CCDC148: variants seen among roughly 807,000 people sequenced by gnomAD.
CCDC148 encodes the protein coiled-coil domain-containing protein 148.
CCDC148 carries 89 observed loss-of-function variants against 85.7 expected under a neutral mutation model. That is an observed-to-expected ratio of 1.04 (90% CI 0.87 to 1.24). The LOEUF is 1.24. Ranked by LOEUF, CCDC148 falls within the 50% of genes most tolerant of loss-of-function variation. CCDC148 has a pLI of 0.00. For synonymous variants in CCDC148, 230 were observed against 213.9 expected, an observed-to-expected ratio of 1.08 and a Z score of -0.66; for missense variants, 692 against 671.7, an observed-to-expected ratio of 1.03 and a Z score of -0.33.
chr2:158,303,922 T>C (rs1403013996), intron 9 of CCDC148, among the ~76,000 whole-genome samples: 2 of 152,204 alleles, frequency 1.3e-5, no homozygotes, highest in Non-Finnish European at 1.5e-5. Flanking sequence ...TCTATTAGGA[T>C]GCCTGGTGGA....
chr2:158,332,995 T>A (rs375703322), intron 7 of CCDC148, among the ~76,000 whole-genome samples: 5 of 152,156 alleles, frequency 3.3e-5, no homozygotes, highest in Admixed American at 3.3e-4. Context: ...CCTGGATTCA[T>A]TGATTTTTTT....
chr2:158,456,520 A>G lies in CCDC148; in HGVS notation c.-81T>C. The G allele has an allele frequency of 6.5e-7, 1 of 1,543,068 alleles. No individual in the cohort carries two copies. The highest frequency in any genetic ancestry group is 8.8e-7 in the Non-Finnish European group (1 of 1,139,364). On this transcript the variant is annotated 5_prime_UTR_variant, in exon 1 of 14. An upstream open reading frame in the 5' UTR loses its in-frame stop. Coordinates refer to ENST00000283233, the MANE Select transcript of CCDC148 (RefSeq NM_138803.4). Reference sequence around the variant, plus strand: ...CGCCCACTCCTGGGCTCTCGCCGTCAGGGGTACATCTAAGGGCTCAGCTGT... The same window carrying G: ...CGCCCACTCCTGGGCTCTCGCCGTCGGGGGTACATCTAAGGGCTCAGCTGT...
At chr2:158,331,331 T>G (rs1693104057) in intron 7 of CCDC148, among the ~76,000 whole-genome samples, 1 of 152,218 alleles carries the variant, frequency 6.6e-6, no homozygotes, top group Non-Finnish European at 1.5e-5. Flanking sequence ...GTGAGTTTCT[T>G]AATCCTGAGT....
intron 9 of CCDC148, among the ~76,000 whole-genome samples, chr2:158,255,041 C>T (rs1400390827): frequency 6.8e-6 from 1 of 147,416 alleles, no homozygotes; most frequent in Non-Finnish European, 1.5e-5. Context: ...ATGTACACAC[C>T]AGAAAATCCT....
intron 1 of CCDC148, among the ~76,000 whole-genome samples, chr2:158,379,512 T>C (rs952549646): frequency 1.3e-5 from 2 of 152,308 alleles, no homozygotes; most frequent in Non-Finnish European, 2.9e-5. Context: ...AGAAGTTCTA[T>C]GGTGCGTAAA....
rs1195166012 is a variant in CCDC148, at chr2:158,338,957, A to G, written c.582+33T>C. The G allele has an allele frequency of 2.5e-6, 4 of 1,598,838 alleles. No homozygotes were observed. The African/African-American group carries it at 4.0e-5, about 16-fold the overall frequency. On this transcript the variant is annotated intron_variant, in intron 6 of 13. Coordinates refer to ENST00000283233, the MANE Select transcript of CCDC148 (RefSeq NM_138803.4). Reference sequence around the variant, plus strand: ...TATTTAACATAAACGACAAATTGATAAACACATAAATTATTAGCCACATCA... The same window carrying G: ...TATTTAACATAAACGACAAATTGATGAACACATAAATTATTAGCCACATCA...
At chr2:158,294,548 A>T (rs1438182794) in intron 9 of CCDC148, among the ~76,000 whole-genome samples, 1 of 152,074 alleles carries the variant, frequency 6.6e-6, no homozygotes, top group East Asian at 1.9e-4. Flanking sequence ...CGTATAAAGA[A>T]CTGCCAAGAT....
At chr2:158,415,024 T>C (rs72944414) in intron 1 of CCDC148, among the ~76,000 whole-genome samples, 6,139 of 152,198 alleles carry the variant, frequency 0.04, 202 homozygotes, top group Non-Finnish European at 0.055. Flanking sequence ...TATGTATTAC[T>C]TACCAAACTC....
intron 11 of CCDC148, among the ~76,000 whole-genome samples, chr2:158,203,698 A>T (rs1032853726): frequency 6.6e-6 from 1 of 152,174 alleles, no homozygotes; most frequent in African/African-American, 2.4e-5. Context: ...TAAAGGAATT[A>T]AAAAAAGGAA....
At chr2:158,431,451 C>T (rs753777187) in intron 1 of CCDC148, among the ~76,000 whole-genome samples, 1 of 147,994 alleles carries the variant, frequency 6.8e-6, no homozygotes, top group Non-Finnish European at 1.5e-5. Context: ...AAAAAAATGA[C>T]AGAACATCTG....
intron 9 of CCDC148, among the ~76,000 whole-genome samples, chr2:158,307,313 A>T (rs1364586291): frequency 1.3e-5 from 2 of 152,210 alleles, no homozygotes; most frequent in Non-Finnish European, 2.9e-5. Context: ...GCTAATAAAC[A>T]TATGAAAAGA....
intron 1 of CCDC148, among the ~76,000 whole-genome samples, chr2:158,433,532 C>G (rs1433474729): frequency 6.6e-6 from 1 of 152,052 alleles, no homozygotes; most frequent in African/African-American, 2.4e-5. Flanking sequence ...CGAATAGGAA[C>G]AGCTCCAGTC....
chr2:158,370,382 A>G (rs1251270598), intron 1 of CCDC148, among the ~76,000 whole-genome samples: 1 of 152,246 alleles, frequency 6.6e-6, no homozygotes, highest in Admixed American at 6.6e-5. Context: ...TCAAATAATA[A>G]AAGTTGGCCA....
chr2:158,404,638 T>A (rs796656754), intron 1 of CCDC148, among the ~76,000 whole-genome samples: 9 of 152,294 alleles, frequency 5.9e-5, no homozygotes, highest in African/African-American at 2.2e-4. Context: ...GTATATACTT[T>A]CCTATGTGGT....
intron 1 of CCDC148, among the ~76,000 whole-genome samples, chr2:158,404,685 A>G (rs1361884230): frequency 1.3e-5 from 2 of 152,292 alleles, no homozygotes; most frequent in African/African-American, 4.8e-5. Context: ...AATTAAATTA[A>G]TTTTTAAAAT....
chr2:158,232,541 A>T (rs1335683854), intron 10 of CCDC148, among the ~76,000 whole-genome samples: 1 of 152,162 alleles, frequency 6.6e-6, no homozygotes, highest in Non-Finnish European at 1.5e-5. Context: ...TACACATAGG[A>T]AGCAGAAAGT....
chr2:158,452,158 G>A (rs1688430526), intron 1 of CCDC148, among the ~76,000 whole-genome samples: 1 of 152,106 alleles, frequency 6.6e-6, no homozygotes, highest in African/African-American at 2.4e-5. Context: ...AAATAAATGT[G>A]ACTCAAGGAG....
rs76108779 is a variant in CCDC148, at chr2:158,221,424, T to C, written c.1252-711A>G. 3.9e-3 allele frequency among the ~76,000 whole-genome samples: 594 copies of C among 152,296 alleles called. 23 individuals are homozygous for C. The East Asian group carries it at 0.085, about 22-fold the overall frequency. On this transcript the variant is annotated intron_variant, in intron 10 of 13. Coordinates refer to ENST00000283233, the MANE Select transcript of CCDC148 (RefSeq NM_138803.4). ...AGGGAGCTGAAACCCTTATTCAGGA[T>C]TTCCCAATGTGATGGGACAATGAAT...
In CCDC148 at chr2:158,395,526, T is replaced by C. The variant is rs181150510; in HGVS notation, c.26-36956A>G. ...AAGGCTCAAATTTCAGCCTGAGTGA[T>C]AATGTGAAAGGGAATAATTTCTGGT... On this transcript the variant is annotated intron_variant, in intron 1 of 13. Coordinates refer to ENST00000283233, the MANE Select transcript of CCDC148 (RefSeq NM_138803.4). 1.1e-4 allele frequency among the ~76,000 whole-genome samples: 16 copies of C among 152,242 alleles called. 1 individual carries two copies. The highest frequency in any genetic ancestry group is 6.5e-4 in the Admixed American group (10 of 15,272).
Sources: allele counts gnomAD v4.1 joint callset (sites outside exome capture counted in the v4.1 genomes callset), GRCh38; gene constraint gnomAD v4.1.1; transcripts MANE v1.5; gene names NCBI Gene and HGNC (gene_info 2026-07-23, HGNC 2026-07-21).